TMEM117: variants seen among roughly 807,000 people sequenced by gnomAD.
The protein encoded by TMEM117 is transmembrane protein 117.
A neutral mutation model predicts 52.4 loss-of-function variants in TMEM117; 27 were observed. The observed-to-expected ratio is 0.51, with a 90% CI of 0.38 to 0.71. TMEM117 has a LOEUF of 0.71. Among genes scored for constraint, TMEM117 ranks in the 30% least tolerant of loss-of-function variants. The pLI, the probability that TMEM117 is intolerant of heterozygous loss-of-function variation, is 0.00. For synonymous variants in TMEM117, 215 were observed against 206.3 expected (o/e 1.04, Z -0.36); for missense variants, 556 against 630.5 (o/e 0.88, Z 1.26).
At chr12:43,820,313 G>A in the TMEM117 span, among the ~76,000 whole-genome samples, 6 of 151,884 alleles carry the variant, frequency 4.0e-5, no homozygotes, top group Non-Finnish European at 7.4e-5. Flanking sequence ...TCGCTCTGTC[G>A]CCCACGCTGG....
intron 3 of TMEM117, among the ~76,000 whole-genome samples, chr12:44,037,551 C>A (rs2137886401): frequency 6.6e-6 from 1 of 152,278 alleles, no homozygotes; most frequent in Middle Eastern, 3.4e-3. Context: ...CCCTGTGAAG[C>A]CCCATCTTCA....
intron 3 of TMEM117, among the ~76,000 whole-genome samples, chr12:44,138,026 G>A (rs987151716): frequency 6.6e-6 from 1 of 152,112 alleles, no homozygotes; most frequent in Non-Finnish European, 1.5e-5. Context: ...CCCCTGGGAA[G>A]GAAAGGTATT....
chr12:43,827,312 G>A, the TMEM117 span, among the ~76,000 whole-genome samples: 1 of 152,048 alleles, frequency 6.6e-6, no homozygotes, highest in East Asian at 1.9e-4. Flanking sequence ...ATTAGAATAA[G>A]CTGTTTGAGC....
At chr12:44,141,552 A>G (rs1948571953) in intron 3 of TMEM117, among the ~76,000 whole-genome samples, 1 of 152,186 alleles carries the variant, frequency 6.6e-6, no homozygotes, top group South Asian at 2.1e-4. Flanking sequence ...AATGTATGCA[A>G]TTACAGGGAA....
intron 5 of TMEM117, among the ~76,000 whole-genome samples, chr12:44,281,340 A>G (rs1950574589): frequency 6.6e-6 from 1 of 152,082 alleles, no homozygotes; most frequent in African/African-American, 2.4e-5. Context: ...CTTATCATGG[A>G]AAACATTGTC....
chr12:44,055,640 GTAA>G (rs1209059379), intron 3 of TMEM117, among the ~76,000 whole-genome samples: 1 of 152,056 alleles, frequency 6.6e-6, no homozygotes, highest in Non-Finnish European at 1.5e-5. Context: ...TTGTAAAGTG[GTAA>G]TAATATCATT....
intron 5 of TMEM117, among the ~76,000 whole-genome samples, chr12:44,231,466 A>C (rs1375687247): frequency 6.6e-6 from 1 of 151,840 alleles, no homozygotes; most frequent in African/African-American, 2.4e-5. Flanking sequence ...TGTCTCTTGG[A>C]TGATGGGTAT....
At chr12:43,947,367 A>G (rs1455467652) in intron 3 of TMEM117, among the ~76,000 whole-genome samples, 1 of 152,116 alleles carries the variant, frequency 6.6e-6, no homozygotes, top group African/African-American at 2.4e-5. Flanking sequence ...AAATTAAATC[A>G]CCATTTATAA....
chr12:43,958,802 TGTTA>T (rs1380136215), intron 3 of TMEM117, among the ~76,000 whole-genome samples: 1 of 129,276 alleles, frequency 7.7e-6, no homozygotes, highest in African/African-American at 2.7e-5. Context: ...TTTCTTTTTT[TGTTA>T]GTTTGTTTGT....
At chr12:44,145,484 A>C (rs946232773) in intron 4 of TMEM117, among the ~76,000 whole-genome samples, 1 of 152,216 alleles carries the variant, frequency 6.6e-6, no homozygotes, top group African/African-American at 2.4e-5. Context: ...TTCCTGTGTT[A>C]CATATTTTCT....
chr12:44,274,034 C>T (rs897654903), intron 5 of TMEM117, among the ~76,000 whole-genome samples: 1 of 152,076 alleles, frequency 6.6e-6, no homozygotes, highest in Non-Finnish European at 1.5e-5. Flanking sequence ...TCCTTGTTTG[C>T]AGATGATATT....
chr12:44,373,365 C>G (rs543588153), intron 6 of TMEM117, among the ~76,000 whole-genome samples: 2 of 152,344 alleles, frequency 1.3e-5, no homozygotes, highest in South Asian at 4.1e-4. Context: ...TGGCCCAAGT[C>G]CTGGGCAAAG....
At chr12:43,853,527 G>A (rs183987818) in intron 2 of TMEM117, among the ~76,000 whole-genome samples, 86 of 152,240 alleles carry the variant, frequency 5.6e-4, no homozygotes, top group African/African-American at 2.4e-4. Context: ...ACCTTGCCTC[G>A]GTCTCCTAAA....
At chr12:43,898,040 A>G (rs60571339) in intron 2 of TMEM117, among the ~76,000 whole-genome samples, 2,776 of 134,720 alleles carry the variant, frequency 0.021, 100 homozygotes, top group Admixed American at 0.096. Context: ...ACACACACAC[A>G]CACGCACGCA....
chr12:44,202,922 G>A (rs1019515517), intron 4 of TMEM117, among the ~76,000 whole-genome samples: 22 of 151,954 alleles, frequency 1.4e-4, no homozygotes, highest in Admixed American at 3.9e-4. Flanking sequence ...CTGAGTAACT[G>A]GGATTGCAGG....
chr12:43,892,315 C>T (rs1944121942), intron 2 of TMEM117, among the ~76,000 whole-genome samples: 1 of 152,108 alleles, frequency 6.6e-6, no homozygotes, highest in South Asian at 2.1e-4. Flanking sequence ...GAAATGTTGC[C>T]AACCAGGAAA....
chr12:43,957,157 A>T (rs1945322454), intron 3 of TMEM117, among the ~76,000 whole-genome samples: 1 of 152,102 alleles, frequency 6.6e-6, no homozygotes, highest in Non-Finnish European at 1.5e-5. Flanking sequence ...CTGTTGGGGA[A>T]GAGTGGGAGT....
Position 44,214,165 on chromosome 12 carries a change from A to T in TMEM117, c.608+2778A>T, listed in dbSNP as rs201462850. 3.8e-3 allele frequency among the ~76,000 whole-genome samples: 265 copies of T among 70,370 alleles called. 5 individuals carry two copies. The East Asian group carries it at 0.082, about 22-fold the overall frequency. 46.2% of individuals were successfully genotyped at this position (70,370 alleles called of 152,430 possible). A position where few individuals can be genotyped will look rare whatever the true frequency, so the allele number is the denominator to read the frequency against. On this transcript the variant is annotated intron_variant, in intron 5 of 7. Coordinates refer to ENST00000266534, the MANE Select transcript of TMEM117 (RefSeq NM_032256.3). ...TTTTTTTTTTTTTTTTTTTTTTTTT[A>T]AGACAGAATCTCACTCTGTAGCCCA... is the stretch of plus-strand genomic sequence containing the variant.
intron 2 of TMEM117, among the ~76,000 whole-genome samples, chr12:43,880,666 C>A (rs1191024275): frequency 6.6e-6 from 1 of 152,158 alleles, no homozygotes; most frequent in Non-Finnish European, 1.5e-5. Flanking sequence ...AGCCATTTTC[C>A]ACAGAGCCAG....
Sources: allele counts gnomAD v4.1 joint callset (sites outside exome capture counted in the v4.1 genomes callset), GRCh38; gene constraint gnomAD v4.1.1; transcripts MANE v1.5; gene names NCBI Gene and HGNC (gene_info 2026-07-23, HGNC 2026-07-21).